TRPM1: variants seen among roughly 807,000 people sequenced by gnomAD.
The protein encoded by TRPM1 is transient receptor potential cation channel subfamily M member 1, also known as TRPM1-203 APA Isoform, Intron 10.
TRPM1 carries 113 observed loss-of-function variants against 149.4 expected under a neutral mutation model. The observed-to-expected ratio is 0.76, with a 90% confidence interval of 0.65 to 0.88. TRPM1 has a LOEUF of 0.88. Among genes scored for constraint, TRPM1 ranks in the 40% least tolerant of loss-of-function variants. The probability of loss-of-function intolerance (pLI) is 0.00; values close to 1 mark genes in which losing one functional copy is unlikely to be tolerated. For synonymous variants in TRPM1, 741 were observed against 759.5 expected (o/e 0.98, Z 0.40); for missense variants, 1,976 against 2,038.7 (o/e 0.97, Z 0.59).
At chr15:31,091,332 G>T (rs920164571) in intron 1 of TRPM1, among the ~76,000 whole-genome samples, 1 of 152,358 alleles carries the variant, frequency 6.6e-6, no homozygotes, top group African/African-American at 2.4e-5. Flanking sequence ...GCAAGTATTT[G>T]CCCACTCTGC....
chr15:31,137,427 T>C (rs1310619611), intron 1 of TRPM1, among the ~76,000 whole-genome samples: 1 of 152,200 alleles, frequency 6.6e-6, no homozygotes, highest in Non-Finnish European at 1.5e-5. Context: ...AAAGTCTTAC[T>C]AAAGATAATT....
chr15:31,135,704 C>T (rs988701212), intron 1 of TRPM1, among the ~76,000 whole-genome samples: 1 of 152,020 alleles, frequency 6.6e-6, no homozygotes, highest in African/African-American at 2.4e-5. Flanking sequence ...TGAGTGAACT[C>T]TCACTCTGTT....
chr15:31,135,728 G>A (rs1344138867), intron 1 of TRPM1, among the ~76,000 whole-genome samples: 1 of 152,118 alleles, frequency 6.6e-6, no homozygotes, highest in Non-Finnish European at 1.5e-5. Flanking sequence ...TTCTACAACA[G>A]CGTATTGTGA....
intron 1 of TRPM1, among the ~76,000 whole-genome samples, chr15:31,088,761 G>T (rs940230721): frequency 2.7e-5 from 4 of 147,766 alleles, no homozygotes; most frequent in South Asian, 2.1e-4. Context: ...CTGTGGGAAC[G>T]TTCCCAACCA....
At chr15:31,090,818 A>G (rs1205838039) in intron 1 of TRPM1, among the ~76,000 whole-genome samples, 1 of 152,120 alleles carries the variant, frequency 6.6e-6, no homozygotes, top group East Asian at 1.9e-4. Flanking sequence ...TGGGCTTTAG[A>G]CGTACCTGAG....
intron 1 of TRPM1, among the ~76,000 whole-genome samples, chr15:31,089,458 C>G (rs1049804176): frequency 6.6e-6 from 1 of 152,238 alleles, no homozygotes; most frequent in Non-Finnish European, 1.5e-5. Context: ...TGACCATGGC[C>G]TGCTGACCTT....
chr15:31,151,875 C>T (rs963763995), intron 1 of TRPM1, among the ~76,000 whole-genome samples: 2 of 152,218 alleles, frequency 1.3e-5, no homozygotes, highest in Non-Finnish European at 2.9e-5. Flanking sequence ...GAGGCCTTTG[C>T]CCCTCAGTGT....
At chr15:31,089,295 G>A (rs2035147143) in intron 1 of TRPM1, among the ~76,000 whole-genome samples, 1 of 144,174 alleles carries the variant, frequency 6.9e-6, no homozygotes, top group African/African-American at 2.9e-5. Context: ...TGCCCGGGAG[G>A]GTTTATATAT....
intron 27 of TRPM1, among the ~76,000 whole-genome samples, chr15:31,004,207 C>A (rs544103475): frequency 1.3e-5 from 2 of 151,996 alleles, no homozygotes; most frequent in African/African-American, 4.8e-5. Flanking sequence ...GTATGACCTA[C>A]GAAGGTCTTT....
At chr15:31,006,721 A>AT (rs1174669437) in intron 27 of TRPM1, among the ~76,000 whole-genome samples, 1 of 152,270 alleles carries the variant, frequency 6.6e-6, no homozygotes, top group East Asian at 1.9e-4. Context: ...TGGCTGTACA[A>AT]TTTTTTATTC....
intron 3 of TRPM1, 126 bp from the exon 4 acceptor site, chr15:31,070,352 C>A: frequency 1.1e-6 from 1 of 899,460 alleles, no homozygotes; most frequent in Non-Finnish European, 1.8e-6. Context: ...CTTCAGTAAG[C>A]CAGCGTTATT....
chr15:31,055,053 C>A (rs1411054261), intron 11 of TRPM1, among the ~76,000 whole-genome samples: 3 of 152,042 alleles, frequency 2.0e-5, no homozygotes, highest in Non-Finnish European at 2.9e-5. Context: ...CAAATCAGAC[C>A]TAAGATTGAT....
At chr15:31,113,665 CATCACCCACG>C (rs2035748718) in intron 1 of TRPM1, among the ~76,000 whole-genome samples, 1 of 152,068 alleles carries the variant, frequency 6.6e-6, no homozygotes, top group Non-Finnish European at 1.5e-5. Flanking sequence ...TTTTGCCCTC[CATCACCCACG>C]TTTTAAGACT....
rs117335839 is a variant in TRPM1, at chr15:31,063,975, T to A, written c.791-683A>T. On this transcript the variant is annotated intron_variant, in intron 7 of 27. Transcript: ENST00000256552. Reference sequence around the variant, plus strand: ...AGCCTATGGTCTGAAATTCCCACCCTGATGGCTGTCCCTGAAGAATAAGAT... The same window carrying A: ...AGCCTATGGTCTGAAATTCCCACCCAGATGGCTGTCCCTGAAGAATAAGAT... Among the ~76,000 whole-genome samples the A allele has an allele frequency of 8.2e-3, 1,249 of 152,184 alleles. 12 individuals are homozygous for A. Among genetic ancestry groups the A allele is most frequent in the Non-Finnish European group, 0.013 (895 of 68,012 alleles).
chr15:31,109,715 A>G (rs893582061), intron 1 of TRPM1, among the ~76,000 whole-genome samples: 9 of 151,122 alleles, frequency 6.0e-5, no homozygotes, highest in Admixed American at 3.3e-4. Context: ...AAAAAAAAAA[A>G]CCAGGAGTAA....
intron 1 of TRPM1, among the ~76,000 whole-genome samples, chr15:31,113,792 G>A (rs1040897134): frequency 2.0e-5 from 3 of 152,164 alleles, no homozygotes; most frequent in Non-Finnish European, 4.4e-5. Context: ...AAGGTGGCAA[G>A]GACCCACAGT....
intron 1 of TRPM1, among the ~76,000 whole-genome samples, chr15:31,089,697 A>G (rs1261506808): frequency 2.6e-5 from 4 of 152,350 alleles, no homozygotes; most frequent in Non-Finnish European, 4.4e-5. Context: ...CGTCAGCTCC[A>G]GGGCCGACAC....
intron 1 of TRPM1, among the ~76,000 whole-genome samples, chr15:31,116,186 C>T (rs2035795426): frequency 6.6e-6 from 1 of 152,158 alleles, no homozygotes; most frequent in African/African-American, 2.4e-5. Flanking sequence ...CTAGTCTTCC[C>T]AGTGTTGGAA....
chr15:31,097,042 C>T (rs558656283), intron 1 of TRPM1, among the ~76,000 whole-genome samples: 3 of 152,344 alleles, frequency 2.0e-5, no homozygotes, highest in African/African-American at 7.2e-5. Context: ...TTGCTCTGCT[C>T]TTTTTCTATG....
Sources: allele counts gnomAD v4.1 joint callset (sites outside exome capture counted in the v4.1 genomes callset), GRCh38; gene constraint gnomAD v4.1.1; transcripts MANE v1.5; gene names NCBI Gene and HGNC (gene_info 2026-07-23, HGNC 2026-07-21).